Variants in MSI2 observed in about 807,000 individuals in gnomAD.
MSI2 encodes the protein musashi RNA binding protein 2.
Under a neutral mutation model 45.6 loss-of-function variants are expected in MSI2, and 17 were observed. The observed-to-expected ratio is 0.37, with a 90% CI of 0.26 to 0.56. The LOEUF is 0.56. Among genes scored for constraint, MSI2 ranks in the 20% least tolerant of loss-of-function variants. The pLI, the probability that MSI2 is intolerant of heterozygous loss-of-function variation, is 0.77. For synonymous variants in MSI2, 156 were observed against 158.2 expected, an observed-to-expected ratio of 0.99 and a Z score of 0.11; for missense variants, 293 against 444.2, an observed-to-expected ratio of 0.66 and a Z score of 3.06.
chr17:57,503,988 C>T (rs928386127), intron 6 of MSI2, among the ~76,000 whole-genome samples: 1 of 152,212 alleles, frequency 6.6e-6, no homozygotes, highest in African/African-American at 2.4e-5. Context: ...CCCGCCTCAG[C>T]CTCCCAGAGT....
At chr17:57,480,317 T>C (rs538095159) in intron 6 of MSI2, among the ~76,000 whole-genome samples, 2 of 152,296 alleles carry the variant, frequency 1.3e-5, no homozygotes, top group African/African-American at 4.8e-5. Flanking sequence ...CCTAGCAAAG[T>C]TAAAATATGA....
intron 7 of MSI2, among the ~76,000 whole-genome samples, chr17:57,577,861 C>T (rs1437920359): frequency 2.0e-5 from 3 of 152,210 alleles, no homozygotes; most frequent in African/African-American, 7.2e-5. Context: ...TTGGTCGCCA[C>T]TTGCTTTTGT....
chr17:57,443,335 G>A (rs554032945), intron 6 of MSI2, among the ~76,000 whole-genome samples: 5 of 152,294 alleles, frequency 3.3e-5, no homozygotes, highest in South Asian at 2.1e-4. Context: ...TTTGTGCCGC[G>A]TGTTTGTGGC....
At chr17:57,334,274 C>A (rs549003952) in intron 5 of MSI2, among the ~76,000 whole-genome samples, 11 of 152,146 alleles carry the variant, frequency 7.2e-5, no homozygotes, top group Admixed American at 7.2e-4. Flanking sequence ...TGGCAAAATG[C>A]TGATAAAATC....
chr17:57,630,995 C>G (rs1567948468), intron 10 of MSI2: 1 of 152,258 alleles, frequency 6.6e-6, no homozygotes, highest in Non-Finnish European at 1.5e-5. Context: ...TGCCATGCCC[C>G]GGGGATCCTG....
chr17:57,337,503 C>A (rs1157347357), intron 5 of MSI2, among the ~76,000 whole-genome samples: 2 of 152,162 alleles, frequency 1.3e-5, no homozygotes, highest in Non-Finnish European at 2.9e-5. Context: ...GCTGGGCTCT[C>A]TCCTCTGGGA....
chr17:57,569,244 C>T (rs559353493), intron 7 of MSI2, among the ~76,000 whole-genome samples: 1 of 152,252 alleles, frequency 6.6e-6, no homozygotes, highest in African/African-American at 2.4e-5. Context: ...AATAGAGGGG[C>T]CTTGCCTGAT....
intron 11 of MSI2, among the ~76,000 whole-genome samples, chr17:57,667,784 G>A (rs1158171489): frequency 3.9e-5 from 6 of 152,190 alleles, no homozygotes; most frequent in Non-Finnish European, 7.3e-5. Flanking sequence ...GCAGACAGCA[G>A]TCAACTGCTA....
intron 9 of MSI2, chr17:57,626,020 C>A (rs527813217): frequency 6.6e-6 from 1 of 152,234 alleles, no homozygotes; most frequent in African/African-American, 2.4e-5. Context: ...TTCCGTCTGT[C>A]GAGCCCAGGT....
chr17:57,580,774 C>T (rs2088180004), intron 7 of MSI2, among the ~76,000 whole-genome samples: 1 of 152,162 alleles, frequency 6.6e-6, no homozygotes, highest in African/African-American at 2.4e-5. Flanking sequence ...TTCAAATACA[C>T]TTCCAAATCG....
At chr17:57,330,922 G>T (rs141609810) in intron 5 of MSI2, among the ~76,000 whole-genome samples, 42,897 of 143,212 alleles carry the variant, frequency 0.3, 10,117 homozygotes, top group African/African-American at 0.68. Context: ...TTTTTTTTGT[G>T]TGTGTGACGG....
intron 6 of MSI2, among the ~76,000 whole-genome samples, chr17:57,411,886 A>T (rs2084203475): frequency 6.6e-6 from 1 of 151,960 alleles, no homozygotes; most frequent in Non-Finnish European, 1.5e-5. Flanking sequence ...GGGCGCTTGT[A>T]ATCCCAGCTA....
intron 7 of MSI2, among the ~76,000 whole-genome samples, chr17:57,545,173 G>A (rs909961323): frequency 5.3e-5 from 8 of 152,006 alleles, no homozygotes; most frequent in African/African-American, 1.5e-4. Flanking sequence ...AGGCCCCCCC[G>A]TTTTTTAAGT....
chr17:57,259,642 T>A (rs1907129653), intron 4 of MSI2, among the ~76,000 whole-genome samples: 1 of 152,220 alleles, frequency 6.6e-6, no homozygotes, highest in African/African-American at 2.4e-5. Flanking sequence ...AGCCCAGCCT[T>A]TTGTACTTTT....
rs56843897 is a variant in MSI2 at position 57,618,072 on chromosome 17, A to AAATAATAATAATAATAATAAT, written c.652+1997_652+2017dup. Reference sequence around the variant, plus strand: ...GGTGACAGAGTGAGACTCTGTCTCAAAATAATAATAATAATAATAATAATA... The same window carrying AAATAATAATAATAATAATAAT: ...GGTGACAGAGTGAGACTCTGTCTCAAAATAATAATAATAATAATAATAATAATAATAATAATAATAATAATA... On this transcript the variant is annotated intron_variant, in intron 9 of 13. Transcript: ENST00000284073. 58 of 147,374 alleles carry AAATAATAATAATAATAATAAT rather than the reference A, an allele frequency of 3.9e-4. 1 individual carries two copies. The East Asian group carries it at 4.1e-3, about 10-fold the overall frequency. The allele number at this position is 147,374 out of a possible 1,614,324, so 9.1% of individuals were successfully genotyped here.
chr17:57,339,462 T>C (rs1914944968), intron 5 of MSI2, among the ~76,000 whole-genome samples: 1 of 152,136 alleles, frequency 6.6e-6, no homozygotes, highest in Non-Finnish European at 1.5e-5. Context: ...GTTGAAGAAC[T>C]GGCAGCGTTG....
chr17:57,470,276 T>TTTTG (rs111473833), intron 6 of MSI2, among the ~76,000 whole-genome samples: 1 of 151,170 alleles, frequency 6.6e-6, no homozygotes, highest in Non-Finnish European at 1.5e-5. Flanking sequence ...ATATTGAAAT[T>TTTTG]TTTATTTATT....
At chr17:57,685,727 C>T (rs1458922967), downstream of MSI2, 5 of 152,216 alleles carry the variant, frequency 3.3e-5, no homozygotes, top group African/African-American at 7.2e-5. Flanking sequence ...AGACAGCACT[C>T]CACAGTGTCT....
At chr17:57,573,324 C>T (rs558713215) in intron 7 of MSI2, among the ~76,000 whole-genome samples, 95 of 113,492 alleles carry the variant, frequency 8.4e-4, no homozygotes, top group South Asian at 1.3e-3. Flanking sequence ...TAGGATGTGT[C>T]GTGCTCTGTG....
Sources: gnomAD v4.1 joint callset for allele counts (sites outside exome capture counted in the v4.1 genomes callset) on GRCh38, gnomAD v4.1.1 for gene constraint, MANE v1.5 for transcripts, NCBI Gene and HGNC (gene_info 2026-07-23, HGNC 2026-07-21) for gene names.